TAFA2: variants seen among roughly 807,000 people sequenced by gnomAD.
TAFA2 encodes the protein TAFA chemokine like family member 2, also known as chemokine-like protein TAFA-2.
A neutral mutation model predicts 18.8 loss-of-function variants in TAFA2; 7 were observed. That is an observed-to-expected ratio of 0.37 (90% CI 0.21 to 0.70). The LOEUF (loss-of-function observed/expected upper bound fraction) is 0.70, where lower values mean the gene tolerates loss of function less well. Among genes scored for constraint, TAFA2 ranks in the 30% least tolerant of loss-of-function variants. The pLI, the probability that TAFA2 is intolerant of heterozygous loss-of-function variation, is 0.53. For synonymous variants in TAFA2, 60 were observed against 54.2 expected (o/e 1.11, Z -0.47); for missense variants, 122 against 158.1 (o/e 0.77, Z 1.23).
chr12:61,846,278 T>C (rs555585823), intron 2 of TAFA2, among the ~76,000 whole-genome samples: 5 of 152,268 alleles, frequency 3.3e-5, no homozygotes, highest in Non-Finnish European at 7.4e-5. Flanking sequence ...ATTGTTGTTG[T>C]GACTGGACAG....
intron 1 of TAFA2, among the ~76,000 whole-genome samples, chr12:61,931,806 C>A (rs1333875138): frequency 1.3e-5 from 2 of 152,080 alleles, no homozygotes; most frequent in African/African-American, 4.8e-5. Context: ...TCTTCTGGAA[C>A]ACAAAAAGTA....
chr12:61,952,555 C>T (rs906218162), intron 1 of TAFA2, among the ~76,000 whole-genome samples: 11 of 152,024 alleles, frequency 7.2e-5, no homozygotes, highest in Non-Finnish European at 1.0e-4. Context: ...AGAACTAACA[C>T]AGATAAGCCC....
At chr12:61,822,988 T>C (rs998365270) in intron 2 of TAFA2, among the ~76,000 whole-genome samples, 1 of 152,194 alleles carries the variant, frequency 6.6e-6, no homozygotes, top group African/African-American at 2.4e-5. Flanking sequence ...TCATTCCATA[T>C]GCATTCTCTA....
At chr12:61,750,369 G>A (rs1868954450) in intron 4 of TAFA2, among the ~76,000 whole-genome samples, 1 of 152,014 alleles carries the variant, frequency 6.6e-6, no homozygotes, top group Non-Finnish European at 1.5e-5. Flanking sequence ...AACAACTGTT[G>A]CATCTTCCAC....
intron 1 of TAFA2, among the ~76,000 whole-genome samples, chr12:62,247,388 T>TA (rs2062891808): frequency 6.6e-6 from 1 of 152,214 alleles, no homozygotes; most frequent in Admixed American, 6.5e-5. Context: ...TAATTCCACT[T>TA]ACTCTCATTC....
intron 2 of TAFA2, among the ~76,000 whole-genome samples, chr12:61,795,854 T>C (rs1347621459): frequency 2.0e-5 from 3 of 151,888 alleles, no homozygotes; most frequent in African/African-American, 7.2e-5. Context: ...GACATGAAGA[T>C]AGATAAATAG....
chr12:62,225,246 T>C (rs1292284911), intron 1 of TAFA2, among the ~76,000 whole-genome samples: 4 of 152,192 alleles, frequency 2.6e-5, no homozygotes, highest in Admixed American at 1.3e-4. Context: ...AATGAGAATT[T>C]AGTTGCTTCA....
chr12:61,878,813 T>A (rs755867729), intron 1 of TAFA2, among the ~76,000 whole-genome samples: 23 of 152,214 alleles, frequency 1.5e-4, no homozygotes, highest in Non-Finnish European at 2.5e-4. Context: ...TACAGTATAG[T>A]TCTATTTCCC....
chr12:62,241,327 CA>C (rs2062861920), intron 1 of TAFA2, among the ~76,000 whole-genome samples: 1 of 152,150 alleles, frequency 6.6e-6, no homozygotes. Flanking sequence ...GGCTGCTAAT[CA>C]AAGAAAAGCA....
At chr12:62,155,457 T>A (rs1318902855) in intron 1 of TAFA2, among the ~76,000 whole-genome samples, 1 of 152,008 alleles carries the variant, frequency 6.6e-6, no homozygotes, top group African/African-American at 2.4e-5. Context: ...CTAAAATTCA[T>A]ATAGAACCAA....
intron 1 of TAFA2, among the ~76,000 whole-genome samples, chr12:62,004,350 C>T (rs1346828475): frequency 6.6e-6 from 1 of 152,098 alleles, no homozygotes; most frequent in African/African-American, 2.4e-5. Flanking sequence ...GGATCACCAG[C>T]ACTGCTCTGA....
At chr12:62,063,153 C>T (rs1389600753) in intron 1 of TAFA2, among the ~76,000 whole-genome samples, 1 of 152,022 alleles carries the variant, frequency 6.6e-6, no homozygotes, top group Admixed American at 6.6e-5. Context: ...TTGGGGGGAC[C>T]GTTATTCCGC....
chr12:62,021,024 A>T (rs926559163), intron 1 of TAFA2, among the ~76,000 whole-genome samples: 1 of 152,210 alleles, frequency 6.6e-6, no homozygotes, highest in African/African-American at 2.4e-5. Context: ...TAGCAGAGAT[A>T]AGTAGTTGCA....
chr12:62,054,461 G>T (rs1299057655), intron 1 of TAFA2, among the ~76,000 whole-genome samples: 1 of 152,062 alleles, frequency 6.6e-6, no homozygotes. Context: ...AATATCTTCG[G>T]CCTGAAGAAA....
At chr12:61,763,376 G>A (rs1869644865) in intron 2 of TAFA2, among the ~76,000 whole-genome samples, 1 of 151,948 alleles carries the variant, frequency 6.6e-6, no homozygotes, top group South Asian at 2.1e-4. Flanking sequence ...ACCAGAGAAT[G>A]TCCCCCAGTC....
intron 1 of TAFA2, among the ~76,000 whole-genome samples, chr12:61,979,826 T>C (rs1879567212): frequency 6.6e-6 from 1 of 151,852 alleles, no homozygotes; most frequent in African/African-American, 2.4e-5. Flanking sequence ...GAACAGTTAA[T>C]GAAAGATGCA....
chr12:62,204,797 T>C (rs575537147), intron 1 of TAFA2, among the ~76,000 whole-genome samples: 1 of 152,322 alleles, frequency 6.6e-6, no homozygotes, highest in African/African-American at 2.4e-5. Flanking sequence ...TGAAGTTCAT[T>C]ATTACCCACT....
intron 1 of TAFA2, among the ~76,000 whole-genome samples, chr12:61,989,734 T>C (rs1451241211): frequency 6.6e-6 from 1 of 152,096 alleles, no homozygotes; most frequent in African/African-American, 2.4e-5. Flanking sequence ...TGCTCCAAAA[T>C]AGGATGTCAG....
At chr12:61,745,589 T>A (rs1479875708) in intron 4 of TAFA2, among the ~76,000 whole-genome samples, 1 of 152,110 alleles carries the variant, frequency 6.6e-6, no homozygotes, top group African/African-American at 2.4e-5. Flanking sequence ...TCTATCAACA[T>A]CCAACATACT....
Sources: gnomAD v4.1 joint callset for allele counts (sites outside exome capture counted in the v4.1 genomes callset) on GRCh38, gnomAD v4.1.1 for gene constraint, MANE v1.5 for transcripts, NCBI Gene and HGNC (gene_info 2026-07-23, HGNC 2026-07-21) for gene names.